Variants in CERT1 observed in about 807,000 individuals in gnomAD.
CERT1 encodes ceramide transporter 1, also known as ceramide transfer protein.
In CERT1, 31 loss-of-function variants were observed where a neutral mutation model predicts 87.9. The ratio of observed to expected loss-of-function variants is 0.35; its 90% CI spans 0.27 to 0.48. The LOEUF (loss-of-function observed/expected upper bound fraction) is 0.48. Among genes scored for constraint, CERT1 ranks in the 20% least tolerant of loss-of-function variants. CERT1 has a pLI of 0.99. For synonymous variants in CERT1, 289 were observed against 250.9 expected (o/e 1.15, Z -1.44); for missense variants, 487 against 758.0 (o/e 0.64, Z 4.20).
At position 75,510,769 on chromosome 5, in the gene CERT1, C is replaced by T. The variant is rs5744537; in HGVS notation, c.96+343G>A. On this transcript the variant is annotated intron_variant, in intron 1 of 16. Transcript: ENST00000643780. ...CTTTTAAGAGGTCCGACTTGAACCG[C>T]TCCCATGCCCAGTCGTTCGGACACC... is the stretch of plus-strand genomic sequence containing the variant. Among the ~76,000 whole-genome samples, 109 of 152,298 alleles carry T rather than the reference C, an allele frequency of 7.2e-4. 1 individual carries two copies. Among genetic ancestry groups the T allele is most frequent in the African/African-American group, 2.6e-3 (106 of 41,560 alleles).
chr5:75,385,824 GGA>G, intron 13 of CERT1, 76 bp downstream of exon 13: 1 of 1,097,624 alleles, frequency 9.1e-7, no homozygotes, highest in Non-Finnish European at 1.2e-6. Flanking sequence ...AAACTATGTA[GGA>G]GATGCAGAAA....
At chr5:75,434,618 C>T (rs886261763) in intron 3 of CERT1, among the ~76,000 whole-genome samples, 4 of 151,026 alleles carry the variant, frequency 2.6e-5, no homozygotes. Flanking sequence ...CCATGTGGTC[C>T]ACGGCTTTTT....
chr5:75,480,223 C>T (rs1452008602), intron 2 of CERT1, among the ~76,000 whole-genome samples: 1 of 152,190 alleles, frequency 6.6e-6, no homozygotes, highest in Non-Finnish European at 1.5e-5. Flanking sequence ...TAGGTACTTA[C>T]AGGAGTTACC....
chr5:75,478,757 T>C (rs1159339539), intron 2 of CERT1, among the ~76,000 whole-genome samples: 14 of 151,962 alleles, frequency 9.2e-5, no homozygotes, highest in South Asian at 2.1e-4. Context: ...AAAGCCTATA[T>C]TGAGTAGTGA....
intron 3 of CERT1, among the ~76,000 whole-genome samples, chr5:75,432,991 G>A (rs903236470): frequency 3.3e-5 from 5 of 152,038 alleles, no homozygotes; most frequent in African/African-American, 9.7e-5. Flanking sequence ...CAACTTTTTC[G>A]AAGAACAGAT....
chr5:75,466,273 C>A (rs1274848043), intron 2 of CERT1, among the ~76,000 whole-genome samples: 1 of 152,164 alleles, frequency 6.6e-6, no homozygotes, highest in Non-Finnish European at 1.5e-5. Flanking sequence ...TCAGCATCTG[C>A]CCAGCAAAAG....
intron 2 of CERT1, among the ~76,000 whole-genome samples, chr5:75,468,891 C>T (rs1765580835): frequency 6.6e-6 from 1 of 152,110 alleles, no homozygotes; most frequent in African/African-American, 2.4e-5. Flanking sequence ...TATAGATGCA[C>T]AACAGGAAGG....
intron 13 of CERT1, 145 bp from the exon 14 acceptor site, chr5:75,384,857 A>G: frequency 1.7e-6 from 1 of 587,570 alleles, no homozygotes; most frequent in South Asian, 2.1e-5. Context: ...AATGGAAGGT[A>G]GCTAATACTT....
Position 75,408,225 on chromosome 5 carries a change from G to A in CERT1, c.930+2786C>T, listed in dbSNP as rs75625773. On this transcript the variant is annotated intron_variant, in intron 8 of 16. Transcript: ENST00000643780. Reference sequence around the variant, plus strand: ...AGACACGATAAGGGTAATCACTCTAGCACTTTACTGAGGCTCCAAAGGAAG... The same window carrying A: ...AGACACGATAAGGGTAATCACTCTAACACTTTACTGAGGCTCCAAAGGAAG... 1.1e-4 allele frequency among the ~76,000 whole-genome samples: 16 copies of A among 152,236 alleles called. No individual in the cohort carries two copies. The East Asian group carries it at 2.7e-3, about 26-fold the overall frequency.
At chr5:75,453,327 G>A (rs950598371) in intron 3 of CERT1, among the ~76,000 whole-genome samples, 1 of 152,122 alleles carries the variant, frequency 6.6e-6, no homozygotes, top group Admixed American at 6.6e-5. Flanking sequence ...CGTGCCCAAT[G>A]CTTTGCTGAT....
intron 2 of CERT1, among the ~76,000 whole-genome samples, chr5:75,501,502 G>C (rs1468172857): frequency 6.6e-6 from 1 of 152,162 alleles, no homozygotes; most frequent in Non-Finnish European, 1.5e-5. Flanking sequence ...AATTCTATCT[G>C]AAGATATTAT....
chr5:75,503,760 A>G (rs1767493076), intron 2 of CERT1, among the ~76,000 whole-genome samples: 1 of 151,882 alleles, frequency 6.6e-6, no homozygotes, highest in South Asian at 2.1e-4. Flanking sequence ...ATGTACATAT[A>G]GCTATAACAA....
chr5:75,448,242 G>A (rs900143423), intron 3 of CERT1, among the ~76,000 whole-genome samples: 2 of 152,078 alleles, frequency 1.3e-5, no homozygotes, highest in Non-Finnish European at 2.9e-5. Flanking sequence ...ATATATCAGA[G>A]GAGTACTACT....
chr5:75,450,610 C>T (rs1298347034), intron 3 of CERT1, among the ~76,000 whole-genome samples: 1 of 152,120 alleles, frequency 6.6e-6, no homozygotes, highest in East Asian at 1.9e-4. Flanking sequence ...AAAACATTTG[C>T]CTTCTACTGT....
At chr5:75,374,437 T>G, downstream of CERT1, 1 of 614,844 alleles carries the variant, frequency 1.6e-6, no homozygotes, top group Middle Eastern at 3.9e-4. Flanking sequence ...ACGGGAACAG[T>G]CCTCTCTACA....
intron 3 of CERT1, among the ~76,000 whole-genome samples, chr5:75,443,748 G>A (rs1297882581): frequency 6.6e-6 from 1 of 152,108 alleles, no homozygotes; most frequent in Non-Finnish European, 1.5e-5. Context: ...TACTGAAAAA[G>A]GGCATTGAAT....
intron 3 of CERT1, among the ~76,000 whole-genome samples, chr5:75,435,717 G>A (rs544415971): frequency 2.6e-5 from 4 of 152,276 alleles, no homozygotes; most frequent in African/African-American, 9.6e-5. Context: ...ACTCCTTAGC[G>A]ATGTGTTCTA....
At chr5:75,509,811 C>A (rs868830469) in intron 1 of CERT1, among the ~76,000 whole-genome samples, 1 of 152,164 alleles carries the variant, frequency 6.6e-6, no homozygotes, top group Non-Finnish European at 1.5e-5. Context: ...ATACCTACTA[C>A]ACAATGTGTT....
chr5:75,488,836 A>G (rs1233015149), intron 2 of CERT1, among the ~76,000 whole-genome samples: 2 of 152,090 alleles, frequency 1.3e-5, no homozygotes, highest in Admixed American at 6.6e-5. Context: ...ATCCTTTTCA[A>G]TGGGTACCTC....
Sources: allele counts gnomAD v4.1 joint callset (sites outside exome capture counted in the v4.1 genomes callset), GRCh38; gene constraint gnomAD v4.1.1; transcripts MANE v1.5; gene names NCBI Gene and HGNC (gene_info 2026-07-23, HGNC 2026-07-21).